MAGI3: variants seen among roughly 807,000 people sequenced by gnomAD.
MAGI3 encodes membrane associated guanylate kinase, WW and PDZ domain containing 3, also known as membrane-associated guanylate kinase, WW and PDZ domain-containing protein 3.
Under a neutral mutation model 121.8 loss-of-function variants are expected in MAGI3, and 43 were observed. That is an observed-to-expected ratio of 0.35 (90% confidence interval 0.28 to 0.46). The LOEUF (loss-of-function observed/expected upper bound fraction) is 0.46, where lower values mean the gene tolerates loss of function less well. MAGI3 is among the 20% of genes least tolerant of loss of function. The probability of loss-of-function intolerance (pLI) is 1.00; values close to 1 mark genes in which losing one functional copy is unlikely to be tolerated. For synonymous variants in MAGI3, 553 were observed against 639.3 expected, an observed-to-expected ratio of 0.86 and a Z score of 2.04; for missense variants, 1,547 against 1,797.3, an observed-to-expected ratio of 0.86 and a Z score of 2.52.
chr1:113,587,681 A>T (rs998587695), intron 4 of MAGI3, among the ~76,000 whole-genome samples: 5 of 152,038 alleles, frequency 3.3e-5, no homozygotes, highest in African/African-American at 1.2e-4. Flanking sequence ...CGTAATAATT[A>T]TTTTTTTTCT....
intron 2 of MAGI3, among the ~76,000 whole-genome samples, chr1:113,568,781 C>A (rs2101699738): frequency 6.6e-6 from 1 of 152,110 alleles, no homozygotes; most frequent in Non-Finnish European, 1.5e-5. Flanking sequence ...TCCCCCATCC[C>A]CACCATCTGT....
intron 1 of MAGI3, among the ~76,000 whole-genome samples, chr1:113,416,506 A>C (rs1652459626): frequency 1.8e-5 from 2 of 111,088 alleles, no homozygotes; most frequent in South Asian, 5.3e-4. Flanking sequence ...TAATAAGGGA[A>C]TATGTGATTA....
chr1:113,534,541 A>G (rs531372134), intron 1 of MAGI3, among the ~76,000 whole-genome samples: 1 of 152,024 alleles, frequency 6.6e-6, no homozygotes, highest in East Asian at 1.9e-4. Context: ...TTCCCCTACC[A>G]GTCACAATTA....
intron 1 of MAGI3, among the ~76,000 whole-genome samples, chr1:113,480,841 A>G (rs1159906769): frequency 1.3e-5 from 2 of 152,108 alleles, no homozygotes; most frequent in East Asian, 1.9e-4. Flanking sequence ...CATCTTACTG[A>G]TGGCACTCTA....
At chr1:113,483,113 C>A (rs754405270) in intron 1 of MAGI3, among the ~76,000 whole-genome samples, 14 of 152,312 alleles carry the variant, frequency 9.2e-5, no homozygotes, top group Non-Finnish European at 1.8e-4. Flanking sequence ...CCATGCAGAT[C>A]CTTTTCTTAC....
chr1:113,573,719 A>G (rs984618284), intron 2 of MAGI3, among the ~76,000 whole-genome samples: 1 of 152,232 alleles, frequency 6.6e-6, no homozygotes, highest in Non-Finnish European at 1.5e-5. Context: ...TGCTTGGTCC[A>G]GAGCTGAGTT....
chr1:113,619,065 G>T (rs1650662370), intron 7 of MAGI3, among the ~76,000 whole-genome samples: 1 of 152,148 alleles, frequency 6.6e-6, no homozygotes, highest in South Asian at 2.1e-4. Flanking sequence ...GTCTCCCCAG[G>T]CTTCCTGCTT....
chr1:113,482,396 A>G (rs1370397127), intron 1 of MAGI3, among the ~76,000 whole-genome samples: 3 of 151,900 alleles, frequency 2.0e-5, no homozygotes, highest in Admixed American at 1.3e-4. Flanking sequence ...GTCTCACTCT[A>G]TAACTCAGGC....
intron 1 of MAGI3, among the ~76,000 whole-genome samples, chr1:113,515,735 A>C (rs2101619246): frequency 6.6e-6 from 1 of 152,248 alleles, no homozygotes; most frequent in Non-Finnish European, 1.5e-5. Flanking sequence ...TATAAAAACA[A>C]ACTCATAGTT....
intron 1 of MAGI3, among the ~76,000 whole-genome samples, chr1:113,524,400 G>A (rs1290701726): frequency 6.6e-6 from 1 of 152,098 alleles, no homozygotes; most frequent in Non-Finnish European, 1.5e-5. Context: ...CATGAAAACA[G>A]CCAGGAAGGA....
At chr1:113,543,529 T>G (rs1248334850) in intron 1 of MAGI3, among the ~76,000 whole-genome samples, 1 of 152,130 alleles carries the variant, frequency 6.6e-6, no homozygotes, top group Non-Finnish European at 1.5e-5. Flanking sequence ...TTCTAAAATT[T>G]CATGTATTCA....
chr1:113,662,353 C>T lies in MAGI3; in HGVS notation c.2815+3088C>T, dbSNP rs6666118. On this transcript the variant is annotated intron_variant, in intron 16 of 20. Coordinates refer to ENST00000307546, the MANE Select transcript of MAGI3 (RefSeq NM_001142782.2). Reference sequence around the variant, plus strand: ...TCATATGGCATTCCCCACAACACTACCGCCTCTTCCTCTGCCATGGTATCT... The same window carrying T: ...TCATATGGCATTCCCCACAACACTATCGCCTCTTCCTCTGCCATGGTATCT... Among the ~76,000 whole-genome samples, 1,496 of 152,310 alleles carry T rather than the reference C, an allele frequency of 9.8e-3. 26 individuals carry two copies. The highest frequency in any genetic ancestry group is 0.034 in the African/African-American group (1,412 of 41,562).
intron 1 of MAGI3, among the ~76,000 whole-genome samples, chr1:113,431,091 C>T (rs1311624574): frequency 6.6e-6 from 1 of 152,054 alleles, no homozygotes; most frequent in Admixed American, 6.6e-5. Context: ...AGTAGGTAAC[C>T]TGGAAACTTG....
At chr1:113,461,373 T>G (rs1655024278) in intron 1 of MAGI3, among the ~76,000 whole-genome samples, 1 of 151,990 alleles carries the variant, frequency 6.6e-6, no homozygotes, top group Non-Finnish European at 1.5e-5. Context: ...ATGGTACAGG[T>G]ACAAAAACAG....
intron 6 of MAGI3, among the ~76,000 whole-genome samples, chr1:113,598,036 A>T (rs1322987686): frequency 6.6e-6 from 1 of 152,030 alleles, no homozygotes; most frequent in African/African-American, 2.4e-5. Context: ...ACATGGTGAA[A>T]CCCCATCTCT....
In MAGI3 at chr1:113,391,042, G is replaced by A. The variant is rs1351549523; in HGVS notation, c.9G>A (p.Lys3=). The stretch of plus-strand genomic sequence containing the variant: ...GTGCAGCGGGGTTCGGGATGTCGAA[G>A]ACGCTGAAGAAGAAGAAGCACTGGC... The part of the protein sequence containing the change: MS[K]TLKKKKHWLS... Residue 3 remains lysine, a synonymous_variant, in exon 1 of 21, where the codon AAG becomes AAA. Transcript: ENST00000307546. The surrounding 1 kb of genome is among the most constrained non-coding windows in gnomAD (Gnocchi z 4.4). 2 of 1,585,496 alleles carry A rather than the reference G, an allele frequency of 1.3e-6. No homozygotes were observed. The highest frequency in any genetic ancestry group is 2.7e-5 in the African/African-American group (2 of 73,866).
chr1:113,503,492 A>G (rs1319643649), intron 1 of MAGI3, among the ~76,000 whole-genome samples: 1 of 151,962 alleles, frequency 6.6e-6, no homozygotes, highest in Non-Finnish European at 1.5e-5. Context: ...ATGGATCTTG[A>G]GTAACATTTT....
intron 1 of MAGI3, among the ~76,000 whole-genome samples, chr1:113,469,234 C>A (rs566009699): frequency 2.6e-4 from 40 of 152,208 alleles, no homozygotes; most frequent in Non-Finnish European, 4.4e-4. Context: ...CAAAATGACA[C>A]AGAAATATTA....
At position 113,452,448 on chromosome 1, in the gene MAGI3, A is replaced by G. The variant is rs1407156539; in HGVS notation, c.316+61099A>G. Among the ~76,000 whole-genome samples, 6 of 95,634 alleles carry G rather than the reference A, an allele frequency of 6.3e-5. No homozygotes were observed. The East Asian group carries it at 1.6e-3, about 25-fold the overall frequency. The allele number at this position is 95,634 out of a possible 152,430, so 62.7% of individuals were successfully genotyped here. On this transcript the variant is annotated intron_variant, in intron 1 of 20. Transcript: ENST00000307546. Reference sequence around the variant, plus strand: ...AATTTTGTTGGATTAACTTATGTGCATAGACATACACACACACACACACAC... The same window carrying G: ...AATTTTGTTGGATTAACTTATGTGCGTAGACATACACACACACACACACAC...
Sources: allele counts gnomAD v4.1 joint callset (sites outside exome capture counted in the v4.1 genomes callset), GRCh38; gene constraint gnomAD v4.1.1; non-coding constraint Gnocchi (gnomAD v3.1); transcripts MANE v1.5; gene names NCBI Gene and HGNC (gene_info 2026-07-23, HGNC 2026-07-21).